AKR1E2: variants seen among roughly 807,000 people sequenced by gnomAD.
AKR1E2 encodes the protein 1,5-anhydro-D-fructose reductase.
In AKR1E2, 43 loss-of-function variants were observed where a neutral mutation model predicts 41.9. The observed-to-expected ratio is 1.03, with a 90% confidence interval of 0.80 to 1.32. The LOEUF (loss-of-function observed/expected upper bound fraction) is 1.32, where lower values mean the gene tolerates loss of function less well. Ranked by LOEUF, AKR1E2 falls within the 40% of genes most tolerant of loss-of-function variation. The probability of loss-of-function intolerance (pLI) is 0.00; values close to 1 mark genes in which losing one functional copy is unlikely to be tolerated. For missense variants in AKR1E2, 423 were observed against 396.5 expected (o/e 1.07, Z -0.57); for synonymous variants, 121 against 138.9 (o/e 0.87, Z 0.91).
At chr10:4,857,198 T>G in the AKR1E2 span, among the ~76,000 whole-genome samples, 1 of 152,230 alleles carries the variant, frequency 6.6e-6, no homozygotes, top group African/African-American at 2.4e-5. Context: ...AAACATCTTA[T>G]GTACCCTGAT....
the AKR1E2 span, among the ~76,000 whole-genome samples, chr10:4,853,513 T>C: frequency 6.6e-6 from 1 of 151,522 alleles, no homozygotes; most frequent in Non-Finnish European, 1.5e-5. Flanking sequence ...ATGAGAACCA[T>C]GACCCATGAC....
intron 8 of AKR1E2, among the ~76,000 whole-genome samples, chr10:4,843,145 G>A (rs1381237416): frequency 6.6e-6 from 1 of 152,202 alleles, no homozygotes; most frequent in Non-Finnish European, 1.5e-5. Flanking sequence ...AAGGAACTCT[G>A]TGTGGCTTCA....
chr10:4,853,656 A>G, the AKR1E2 span, among the ~76,000 whole-genome samples: 1 of 152,164 alleles, frequency 6.6e-6, no homozygotes, highest in East Asian at 1.9e-4. Context: ...GAAACATGGA[A>G]CAACTGAAAG....
At chr10:4,830,022 A>G (rs76369654) in intron 1 of AKR1E2, among the ~76,000 whole-genome samples, 5,324 of 152,304 alleles carry the variant, frequency 0.035, 151 homozygotes, top group East Asian at 0.11. Flanking sequence ...TAAAATGAAG[A>G]TAATTATGCT....
At chr10:4,825,051 G>A (rs2131469376), upstream of AKR1E2, 1 of 454,892 alleles carries the variant, frequency 2.2e-6, no homozygotes, top group East Asian at 7.0e-5. Flanking sequence ...GAGTGCTCCA[G>A]GCACAGTTTC....
chr10:4,838,490 GC>G (rs1436123076), intron 5 of AKR1E2, among the ~76,000 whole-genome samples: 3 of 152,182 alleles, frequency 2.0e-5, no homozygotes, highest in Admixed American at 2.0e-4. Flanking sequence ...TAAGAATAGA[GC>G]ATCATGTTCT....
the AKR1E2 span, among the ~76,000 whole-genome samples, chr10:4,863,422 A>G: frequency 5.3e-5 from 8 of 152,112 alleles, no homozygotes; most frequent in Admixed American, 3.3e-4. Context: ...CGAGAACAAA[A>G]ACACAACATA....
intron 2 of AKR1E2, 67 bp from the exon 3 acceptor site, chr10:4,833,283 G>A: frequency 2.4e-6 from 3 of 1,270,524 alleles, no homozygotes; most frequent in Non-Finnish European, 3.4e-6. Context: ...GCTTTGTGGG[G>A]CTACAGAATG....
chr10:4,847,281 A>C (rs1310055715), intron 9 of AKR1E2, 51 bp downstream of exon 9: 8 of 1,610,828 alleles, frequency 5.0e-6, no homozygotes, highest in Non-Finnish European at 6.8e-6. Context: ...TACAGATTGA[A>C]TGATTGGTGT....
Position 4,847,364 on chromosome 10 carries a change from T to C in AKR1E2, c.921-124T>C, listed in dbSNP as rs543497386. 31 of 1,537,642 alleles carry C rather than the reference T, an allele frequency of 2.0e-5. No individual in the cohort carries two copies. The African/African-American group carries it at 4.0e-4, about 20-fold the overall frequency. On this transcript the variant is annotated intron_variant, in intron 9 of 9. Coordinates refer to ENST00000298375, the MANE Select transcript of AKR1E2 (RefSeq NM_001040177.3). Reference sequence around the variant, plus strand: ...ATTATAATTCTTTCCTGTTTGAAGATGAGCCACTGAATGAAGCTAATTTCA... The same window carrying C: ...ATTATAATTCTTTCCTGTTTGAAGACGAGCCACTGAATGAAGCTAATTTCA...
At chr10:4,827,800 C>T (rs551489088) in intron 1 of AKR1E2, among the ~76,000 whole-genome samples, 3 of 152,242 alleles carry the variant, frequency 2.0e-5, no homozygotes, top group South Asian at 4.1e-4. Context: ...TAGTGAAGGA[C>T]GTGCATCTGT....
chr10:4,836,300 T>C (rs1305490891), intron 4 of AKR1E2, among the ~76,000 whole-genome samples: 1 of 152,084 alleles, frequency 6.6e-6, no homozygotes, highest in African/African-American at 2.4e-5. Flanking sequence ...TGTCAGCCCA[T>C]TTCCAGGGTT....
the AKR1E2 span, among the ~76,000 whole-genome samples, chr10:4,867,210 C>A: frequency 6.6e-6 from 1 of 152,030 alleles, no homozygotes. Context: ...AGTTAGATCT[C>A]TTTCACTGTC....
At chr10:4,863,066 G>A in the AKR1E2 span, among the ~76,000 whole-genome samples, 1 of 151,758 alleles carries the variant, frequency 6.6e-6, no homozygotes, top group Non-Finnish European at 1.5e-5. Context: ...CAGAAAGTTA[G>A]CAAGGATATC....
chr10:4,865,175 A>C, the AKR1E2 span, among the ~76,000 whole-genome samples: 1 of 152,238 alleles, frequency 6.6e-6, no homozygotes, highest in Non-Finnish European at 1.5e-5. Context: ...TCAAATAACC[A>C]TACTGCAAGA....
upstream of AKR1E2, among the ~76,000 whole-genome samples, chr10:4,825,387 G>T (rs529714358): frequency 6.6e-6 from 1 of 152,026 alleles, no homozygotes; most frequent in East Asian, 1.9e-4. Context: ...GAGGGGCGTC[G>T]GAAGGCTCCC....
chr10:4,852,665 G>A (rs1834550534), downstream of AKR1E2, among the ~76,000 whole-genome samples: 1 of 152,158 alleles, frequency 6.6e-6, no homozygotes. Flanking sequence ...CAGTTTGCAA[G>A]CAGAAAATAC....
the AKR1E2 span, among the ~76,000 whole-genome samples, chr10:4,854,069 C>G: frequency 7.3e-6 from 1 of 137,550 alleles, no homozygotes; most frequent in Admixed American, 7.2e-5. Context: ...AGTAGCCATT[C>G]TTTTACTCCT....
intron 7 of AKR1E2, 137 bp downstream of exon 7, chr10:4,841,994 C>T (rs1456058753): frequency 1.7e-5 from 12 of 690,826 alleles, no homozygotes; most frequent in Admixed American, 3.4e-5. Context: ...AACCTCCCAG[C>T]GTCAAGCAGA....
Sources: gnomAD v4.1 joint callset for allele counts (sites outside exome capture counted in the v4.1 genomes callset) on GRCh38, gnomAD v4.1.1 for gene constraint, MANE v1.5 for transcripts, NCBI Gene and HGNC (gene_info 2026-07-23, HGNC 2026-07-21) for gene names.